The following ADGRL2 variants were observed in gnomAD, a reference collection of about 807,000 sequenced individuals.
ADGRL2 encodes adhesion G protein-coupled receptor L2.
Under a neutral mutation model 157.4 loss-of-function variants are expected in ADGRL2, and 44 were observed. The observed-to-expected ratio is 0.28, with a 90% confidence interval of 0.22 to 0.36. ADGRL2 has a LOEUF of 0.36. ADGRL2 is among the 10% of genes least tolerant of loss of function. The pLI is 1.00. For missense variants in ADGRL2, 1,510 were observed against 1,768.9 expected, an observed-to-expected ratio of 0.85 and a Z score of 2.63; for synonymous variants, 585 against 624.7, an observed-to-expected ratio of 0.94 and a Z score of 0.95.
intron 2 of ADGRL2, among the ~76,000 whole-genome samples, chr1:81,460,230 G>A (rs1160376844): frequency 6.6e-6 from 1 of 150,924 alleles, no homozygotes; most frequent in Non-Finnish European, 1.5e-5. Context: ...TTTTATTTTT[G>A]TCATGTAAAT....
chr1:81,455,172 T>C (rs561654926), intron 2 of ADGRL2, among the ~76,000 whole-genome samples: 13 of 152,352 alleles, frequency 8.5e-5, no homozygotes, highest in Admixed American at 4.6e-4. Flanking sequence ...CGTTTTATTC[T>C]TTCCCGGGTT....
intron 2 of ADGRL2, among the ~76,000 whole-genome samples, chr1:81,460,020 A>G (rs539936582): frequency 6.6e-6 from 1 of 151,950 alleles, no homozygotes; most frequent in African/African-American, 2.4e-5. Context: ...GTCTTTTGTT[A>G]TTTTTGTAAT....
intron 1 of ADGRL2, among the ~76,000 whole-genome samples, chr1:81,339,301 T>C (rs946637823): frequency 1.3e-5 from 2 of 152,196 alleles, no homozygotes; most frequent in Non-Finnish European, 2.9e-5. Flanking sequence ...TAACTGACAA[T>C]GTCAAGATTC....
chr1:81,875,838 A>G (rs1461880080), intron 2 of ADGRL2, among the ~76,000 whole-genome samples: 1 of 152,134 alleles, frequency 6.6e-6, no homozygotes, highest in Non-Finnish European at 1.5e-5. Context: ...TGTTCCAGAG[A>G]GGTACATTTT....
intron 3 of ADGRL2, among the ~76,000 whole-genome samples, chr1:81,658,223 G>T (rs2082576798): frequency 1.3e-5 from 2 of 152,098 alleles, no homozygotes; most frequent in African/African-American, 4.8e-5. Context: ...AGCCTCCTGA[G>T]TAGCTGGGAT....
At chr1:81,361,911 C>G (rs140028535) in intron 1 of ADGRL2, among the ~76,000 whole-genome samples, 17 of 151,774 alleles carry the variant, frequency 1.1e-4, no homozygotes, top group African/African-American at 3.9e-4. Context: ...ATTCAATAAC[C>G]CTCTGTTCCA....
chr1:81,860,675 T>C (rs926425706), intron 2 of ADGRL2, among the ~76,000 whole-genome samples: 12 of 152,338 alleles, frequency 7.9e-5, no homozygotes, highest in African/African-American at 2.6e-4. Context: ...TCTCTGAGTC[T>C]ACCTTTGGGT....
At chr1:81,700,525 A>ATT (rs1372218449) in intron 1 of ADGRL2, among the ~76,000 whole-genome samples, 1 of 152,214 alleles carries the variant, frequency 6.6e-6, no homozygotes, top group Non-Finnish European at 1.5e-5. Context: ...GTCACAACTA[A>ATT]TTGTTTCTTG....
At chr1:81,663,624 C>T (rs2082700346) in intron 3 of ADGRL2, among the ~76,000 whole-genome samples, 1 of 152,190 alleles carries the variant, frequency 6.6e-6, no homozygotes, top group Non-Finnish European at 1.5e-5. Flanking sequence ...TCCAGTTCTT[C>T]TTAACCTATC....
At chr1:81,412,913 A>C (rs1194622306) in intron 1 of ADGRL2, among the ~76,000 whole-genome samples, 1 of 152,076 alleles carries the variant, frequency 6.6e-6, no homozygotes, top group Non-Finnish European at 1.5e-5. Context: ...TCATTTTTCT[A>C]CCTTATCTTT....
At chr1:81,388,384 G>T (rs2076475004) in intron 1 of ADGRL2, among the ~76,000 whole-genome samples, 1 of 152,066 alleles carries the variant, frequency 6.6e-6, no homozygotes. Flanking sequence ...GAGATCCCTG[G>T]GCCACCAAAA....
intron 1 of ADGRL2, among the ~76,000 whole-genome samples, chr1:81,728,086 A>G (rs1557601219): frequency 6.6e-6 from 1 of 152,200 alleles, no homozygotes; most frequent in Non-Finnish European, 1.5e-5. Context: ...CTAAATTCTC[A>G]TCAACTTTGG....
intron 2 of ADGRL2, among the ~76,000 whole-genome samples, chr1:81,849,890 A>C (rs1438709805): frequency 6.6e-6 from 1 of 151,950 alleles, no homozygotes; most frequent in Non-Finnish European, 1.5e-5. Flanking sequence ...AACGTGAATG[A>C]CTAGTACCTA....
intron 3 of ADGRL2, among the ~76,000 whole-genome samples, chr1:81,691,079 T>C (rs2083323438): frequency 6.6e-6 from 1 of 152,206 alleles, no homozygotes; most frequent in South Asian, 2.1e-4. Context: ...AGGATCTGAA[T>C]ACATTGCACG....
chr1:81,980,182 C>T (rs76071563), intron 18 of ADGRL2, among the ~76,000 whole-genome samples: 133 of 151,600 alleles, frequency 8.8e-4, no homozygotes, highest in African/African-American at 2.8e-3. Context: ...GTTTCAGTGG[C>T]TTTGTGGAAA....
intron 3 of ADGRL2, among the ~76,000 whole-genome samples, chr1:81,913,437 A>G (rs1200023464): frequency 1.1e-4 from 17 of 152,222 alleles, no homozygotes; most frequent in Admixed American, 7.2e-4. Flanking sequence ...GGAAAGGACC[A>G]TGTATGCCTT....
intron 3 of ADGRL2, among the ~76,000 whole-genome samples, chr1:81,608,196 G>A (rs2081471898): frequency 6.6e-6 from 1 of 152,088 alleles, no homozygotes; most frequent in Admixed American, 6.6e-5. Context: ...TCTGCTTCAG[G>A]AAGGTTCACT....
At chr1:81,894,681 A>T (rs1339058565) in intron 2 of ADGRL2, among the ~76,000 whole-genome samples, 6 of 151,962 alleles carry the variant, frequency 3.9e-5, no homozygotes, top group Admixed American at 6.6e-5. Flanking sequence ...AAAAACTTTG[A>T]TTGTATAAGT....
intron 18 of ADGRL2, chr1:81,980,815 GCTACTA>G (rs756752219): frequency 2.8e-6 from 2 of 714,118 alleles, no homozygotes; most frequent in South Asian, 3.2e-5. Context: ...GTTTGTGATG[GCTACTA>G]TAATACGGAC....
Sources: allele counts gnomAD v4.1 joint callset (sites outside exome capture counted in the v4.1 genomes callset), GRCh38; gene constraint gnomAD v4.1.1; transcripts MANE v1.5; gene names NCBI Gene and HGNC (gene_info 2026-07-23, HGNC 2026-07-21).